Variants in RANBP10 observed in about 807,000 individuals in gnomAD.
RANBP10 encodes ran-binding protein 10.
In RANBP10, 24 loss-of-function variants were observed where a neutral mutation model predicts 72.8. The observed-to-expected ratio is 0.33, with a 90% confidence interval of 0.24 to 0.46. The LOEUF is 0.46. Ranked by LOEUF, RANBP10 falls within the 20% of genes least tolerant of loss-of-function variation. RANBP10 has a pLI of 1.00. For synonymous variants in RANBP10, 310 were observed against 322.3 expected, an observed-to-expected ratio of 0.96 and a Z score of 0.41; for missense variants, 679 against 817.5, an observed-to-expected ratio of 0.83 and a Z score of 2.07.
intron 2 of RANBP10, among the ~76,000 whole-genome samples, chr16:67,772,673 G>A (rs1373192332): frequency 6.6e-6 from 1 of 152,128 alleles, no homozygotes; most frequent in South Asian, 2.1e-4. Flanking sequence ...GAGGCCCCCA[G>A]AGACCCCCTC....
At chr16:67,791,521 G>T (rs1475555737) in intron 2 of RANBP10, among the ~76,000 whole-genome samples, 1 of 152,160 alleles carries the variant, frequency 6.6e-6, no homozygotes, top group Non-Finnish European at 1.5e-5. Flanking sequence ...CAGCCTCAGG[G>T]CTGAGATGGC....
At chr16:67,772,268 T>C (rs1238301187) in intron 2 of RANBP10, among the ~76,000 whole-genome samples, 182 bp from the exon 3 acceptor site, 1 of 152,192 alleles carries the variant, frequency 6.6e-6, no homozygotes, top group Non-Finnish European at 1.5e-5. Flanking sequence ...ATGGAAAGCA[T>C]CTTAGTGCCT....
Position 67,729,605 on chromosome 16 carries a change from C to T in RANBP10, c.1147+75G>A. 1 of 1,558,466 alleles carries T rather than the reference C, an allele frequency of 6.4e-7. No homozygotes were observed. The highest frequency in any genetic ancestry group is 8.7e-7 in the Non-Finnish European group (1 of 1,153,016). Reference sequence around the variant, plus strand: ...ATCCAGCAGTGAGCCCTGAGCCCAGCCCAGGAAAGGGTATGTGGAGTGGCC... The same window carrying T: ...ATCCAGCAGTGAGCCCTGAGCCCAGTCCAGGAAAGGGTATGTGGAGTGGCC... On this transcript the variant is annotated intron_variant, in intron 9 of 13. Transcript: ENST00000317506. The surrounding 1 kb of genome is among the most constrained non-coding windows in gnomAD (Gnocchi z 7.1).
chr16:67,763,833 T>A (rs1370421241), intron 3 of RANBP10, among the ~76,000 whole-genome samples: 1 of 152,348 alleles, frequency 6.6e-6, no homozygotes, highest in South Asian at 2.1e-4. Flanking sequence ...TAGCTAGGAC[T>A]GTAGGCGCAC....
chr16:67,735,114 GGCT>G, intron 5 of RANBP10, 72 bp from the exon 6 acceptor site: 1 of 1,376,116 alleles, frequency 7.3e-7, no homozygotes, highest in Non-Finnish European at 9.8e-7. Flanking sequence ...TCACCTCCAT[GGCT>G]GCTGCTGGCC....
chr16:67,806,113 T>A (rs994936091), intron 1 of RANBP10, among the ~76,000 whole-genome samples, 189 bp downstream of exon 1: 13 of 152,158 alleles, frequency 8.5e-5, no homozygotes, highest in Admixed American at 5.2e-4. Context: ...ACGGCAGGTG[T>A]CTCAGGACAG....
intron 2 of RANBP10, among the ~76,000 whole-genome samples, chr16:67,793,176 T>G (rs560772736): frequency 1.3e-5 from 2 of 152,252 alleles, no homozygotes; most frequent in Non-Finnish European, 2.9e-5. Flanking sequence ...TGGCCCTGTG[T>G]AATTACGGAG....
At chr16:67,767,159 T>C (rs2054517401) in intron 3 of RANBP10, among the ~76,000 whole-genome samples, 1 of 152,116 alleles carries the variant, frequency 6.6e-6, no homozygotes, top group South Asian at 2.1e-4. Flanking sequence ...AAGTCTCATA[T>C]TGTGAAAAAG....
At chr16:67,769,370 G>C (rs1186768655) in intron 3 of RANBP10, among the ~76,000 whole-genome samples, 5 of 144,904 alleles carry the variant, frequency 3.5e-5, no homozygotes, top group African/African-American at 1.0e-4. Context: ...CTTGAGCCCA[G>C]CAGGTTAAGA....
chr16:67,732,527 G>T lies in RANBP10; in HGVS notation c.777-943C>A, dbSNP rs186496548. ...TGTGTGTTCCCTCAAGCTTTAAGGG[G>T]TAAATGAGATAATACACATAAAGTA... On this transcript the variant is annotated intron_variant, in intron 6 of 13. Coordinates refer to ENST00000317506, the MANE Select transcript of RANBP10 (RefSeq NM_020850.3). Among the ~76,000 whole-genome samples the T allele has an allele frequency of 1.5e-3, 230 of 152,280 alleles. 1 individual carries two copies. The highest frequency in any genetic ancestry group is 2.8e-3 in the Admixed American group (43 of 15,294).
At chr16:67,787,403 G>A (rs2054935788) in intron 2 of RANBP10, among the ~76,000 whole-genome samples, 2 of 152,160 alleles carry the variant, frequency 1.3e-5, no homozygotes, top group South Asian at 4.1e-4. Flanking sequence ...AGGATGTAAA[G>A]AAATTGGAGC....
At chr16:67,778,531 C>T (rs1310593308) in intron 2 of RANBP10, among the ~76,000 whole-genome samples, 2 of 152,096 alleles carry the variant, frequency 1.3e-5, no homozygotes, top group Non-Finnish European at 2.9e-5. Context: ...CAAGAGAAAA[C>T]ATAGATAAAG....
At chr16:67,803,850 A>AAGAGAG (rs1426267495) in intron 2 of RANBP10, among the ~76,000 whole-genome samples, 1 of 148,828 alleles carries the variant, frequency 6.7e-6, no homozygotes, top group Non-Finnish European at 1.5e-5. Flanking sequence ...AAAAAAAAAA[A>AAGAGAG]AGAGAGAGAG....
At position 67,806,369 on chromosome 16, in the gene RANBP10, G is replaced by A. The variant is rs140410676; in HGVS notation, c.168C>T (p.Ser56=). Residue 56 remains serine (S), a synonymous_variant, in exon 1 of 14, where the codon TCC becomes TCT. Coordinates refer to ENST00000317506, the MANE Select transcript of RANBP10 (RefSeq NM_020850.3). Reference sequence around the variant, plus strand: ...AGTTGTATTTGTCCTTGGGGCTCCAGGAGCGCGGCAGCGGAGTCTCTTGCT... The same window carrying A: ...AGTTGTATTTGTCCTTGGGGCTCCAAGAGCGCGGCAGCGGAGTCTCTTGCT... ...VNQQETPLPR[S]WSPKDKYNYI... The A allele has an allele frequency of 9.0e-5, 145 of 1,613,080 alleles. No homozygotes were observed. The highest frequency in any genetic ancestry group is 1.1e-4 in the Non-Finnish European group (135 of 1,179,638).
Position 67,726,257 on chromosome 16 carries a change from G to T in RANBP10, c.*171C>A. 3 of 945,924 alleles carry T rather than the reference G, an allele frequency of 3.2e-6. No individual in the cohort carries two copies. The highest frequency in any genetic ancestry group is 4.7e-6 in the Non-Finnish European group (3 of 638,730). 58.6% of individuals were successfully genotyped at this position (945,924 alleles called of 1,614,324 possible). A position where few individuals can be genotyped will look rare whatever the true frequency, so the allele number is the denominator to read the frequency against. On this transcript the variant is annotated 3_prime_UTR_variant, in exon 14 of 14. Transcript: ENST00000317506. ...GAGAGAGAGAGAGACTGAGCGGGGT[G>T]GTGGGCAGAGAAAGGAAGGAAGGAA...
At chr16:67,796,118 A>AT (rs1406080644) in intron 2 of RANBP10, among the ~76,000 whole-genome samples, 1 of 151,818 alleles carries the variant, frequency 6.6e-6, no homozygotes. Context: ...GGGTTTCGCC[A>AT]TGTCGGCCAG....
chr16:67,763,445 T>C (rs546545569), intron 3 of RANBP10: 5 of 152,302 alleles, frequency 3.3e-5, no homozygotes, highest in Admixed American at 6.5e-5. Context: ...CTGGGGCAAG[T>C]GGGTTCACCT....
chr16:67,789,081 G>T lies in RANBP10; in HGVS notation c.347+16347C>A, dbSNP rs113305162. Reference sequence around the variant, plus strand: ...TCCCAGCACTTTGGGAGGCTGAGGCGGGCAGATTACTTGAGGTCAAGAATT... The same window carrying T: ...TCCCAGCACTTTGGGAGGCTGAGGCTGGCAGATTACTTGAGGTCAAGAATT... On this transcript the variant is annotated intron_variant, in intron 2 of 13. Transcript: ENST00000317506. Among the ~76,000 whole-genome samples the T allele has an allele frequency of 5.1e-3, 773 of 151,210 alleles. 34 individuals carry two copies. Among genetic ancestry groups the T allele is most frequent in the African/African-American group, 0.018 (735 of 40,912 alleles).
At chr16:67,798,738 G>A (rs2055177920) in intron 2 of RANBP10, among the ~76,000 whole-genome samples, 1 of 152,044 alleles carries the variant, frequency 6.6e-6, no homozygotes, top group East Asian at 1.9e-4. Flanking sequence ...AACCATGCTA[G>A]AGCCAAAGAC....
Sources: allele counts gnomAD v4.1 joint callset (sites outside exome capture counted in the v4.1 genomes callset), GRCh38; gene constraint gnomAD v4.1.1; non-coding constraint Gnocchi (gnomAD v3.1); transcripts MANE v1.5; gene names NCBI Gene and HGNC (gene_info 2026-07-23, HGNC 2026-07-21).